Variants in PCDH17 observed in about 807,000 individuals in gnomAD.
PCDH17 encodes the protein protocadherin 17, also known as protocadherin-17.
Under a neutral mutation model 67.7 loss-of-function variants are expected in PCDH17, and 21 were observed. The observed-to-expected ratio is 0.31, with a 90% CI of 0.22 to 0.45. The LOEUF (loss-of-function observed/expected upper bound fraction) is 0.45, where lower values mean the gene tolerates loss of function less well. Among genes scored for constraint, PCDH17 ranks in the 20% least tolerant of loss-of-function variants. The pLI is 1.00. For missense variants in PCDH17, 1,471 were observed against 1,564.8 expected, an observed-to-expected ratio of 0.94 and a Z score of 1.01; for synonymous variants, 701 against 656.7, an observed-to-expected ratio of 1.07 and a Z score of -1.03.
At chr13:57,670,753 T>C (rs1461228087) in intron 3 of PCDH17, among the ~76,000 whole-genome samples, 2 of 151,850 alleles carry the variant, frequency 1.3e-5, no homozygotes, top group Non-Finnish European at 2.9e-5. Context: ...TTTGAGATTT[T>C]ATTTTATTAG....
chr13:57,663,093 A>T (rs979934353), intron 1 of PCDH17, among the ~76,000 whole-genome samples: 1 of 152,030 alleles, frequency 6.6e-6, no homozygotes, highest in East Asian at 1.9e-4. Flanking sequence ...TTTTAAATAG[A>T]TCATCATATA....
At chr13:57,678,667 G>A (rs7319102) in intron 3 of PCDH17, among the ~76,000 whole-genome samples, 126,035 of 151,380 alleles carry the variant, frequency 0.83, 52,893 homozygotes, top group African/African-American at 0.94. Context: ...AAATTCAGAG[G>A]AGCTAAGAAA....
rs139376524 is a variant in PCDH17 at position 57,634,689 on chromosome 13, A to G, written c.2143A>G (p.Ile715Val). 3.7e-6 allele frequency: 6 copies of G among 1,613,580 alleles called. No individual in the cohort carries two copies. In the African/African-American group the frequency reaches 4.0e-5, roughly 11 times the overall value. Residue 715 changes from isoleucine to valine, a missense_variant, in exon 1 of 4, where the codon ATC (isoleucine) becomes GTC (valine). Transcript: ENST00000377918. This position sits in a 1 kb window ranked among gnomAD's most constrained non-coding sequence, Gnocchi z 7.8. ...SLPLIVTLST[I>V]SIILLAAMIT... ...GCCGCTCATCGTGACTCTGAGCACT[A>G]TCTCCATCATCCTCCTAGCGGCCAT...
rs1292686655 is a variant in PCDH17, at chr13:57,634,613, C to G, written c.2067C>G (p.Pro689=). 7 of 1,613,290 alleles carry G rather than the reference C, an allele frequency of 4.3e-6. No homozygotes were observed. The highest frequency in any genetic ancestry group is 3.3e-5 in the South Asian group (3 of 91,076). The part of the protein sequence containing the change: ...LIIRSVSGSL[P]EGVPRVNGEQ... ...TCCGCTCGGTGAGCGGATCCCTTCC[C>G]GAGGGGGTACCACGGGTGAATGGCG... Residue 689 remains proline (P), a synonymous_variant, in exon 1 of 4, where the codon CCC becomes CCG. Coordinates refer to ENST00000377918, the MANE Select transcript of PCDH17 (RefSeq NM_001040429.3). This position sits in a 1 kb window ranked among gnomAD's most constrained non-coding sequence, Gnocchi z 7.8.
chr13:57,664,469 T>C (rs1163487738), intron 1 of PCDH17, among the ~76,000 whole-genome samples: 2 of 152,190 alleles, frequency 1.3e-5, no homozygotes, highest in South Asian at 2.1e-4. Context: ...TATTTCTAGA[T>C]ACTGTTCCTA....
In PCDH17 at chr13:57,634,312, A is replaced by G. The variant is rs1954783735; in HGVS notation, c.1766A>G (p.Gln589Arg). The G allele has an allele frequency of 1.2e-6, 2 of 1,613,050 alleles. No individual in the cohort carries two copies. The highest frequency in any genetic ancestry group is 4.5e-5 in the East Asian group (2 of 44,832). ...CCAGTGATCGTGCTCCCCACGCTGC[A>G]GAACGACACCGCGGAGCTGCAGGTG... ...NAPVIVLPTL[Q>R]NDTAELQVPR... Residue 589 changes from glutamine to arginine, a missense_variant, in exon 1 of 4, where the codon CAG becomes CGG. Gln to Arg is a conservative substitution (Grantham distance 43, BLOSUM62 1). Coordinates refer to ENST00000377918, the MANE Select transcript of PCDH17 (RefSeq NM_001040429.3). This position sits in a 1 kb window ranked among gnomAD's most constrained non-coding sequence, Gnocchi z 7.8.
intron 3 of PCDH17, among the ~76,000 whole-genome samples, chr13:57,705,955 C>T (rs554014564): frequency 2.0e-5 from 3 of 150,342 alleles, no homozygotes; most frequent in South Asian, 2.1e-4. Context: ...GCAGAGGTTG[C>T]GGTGAGCCAA....
rs1319525436 is a variant in PCDH17, at chr13:57,632,769, C to A, written c.223C>A (p.Leu75Met). Residue 75 changes from leucine to methionine, a missense_variant, in exon 1 of 4, where the codon CTG (leucine) becomes ATG (methionine). Physicochemically the swap from Leu to Met is conservative, Grantham distance 15. Transcript: ENST00000377918. The part of the protein sequence containing the change: ...RVLENSAPHL[L>M]DVDADSGLLY... Reference sequence around the variant, plus strand: ...GCTGGAGAACTCCGCACCGCACCTGCTGGACGTGGACGCAGACAGCGGGCT... The same window carrying A: ...GCTGGAGAACTCCGCACCGCACCTGATGGACGTGGACGCAGACAGCGGGCT... 1 of 1,612,854 alleles carries A rather than the reference C, an allele frequency of 6.2e-7. No homozygotes were observed. The highest frequency in any genetic ancestry group is 8.5e-7 in the Non-Finnish European group (1 of 1,179,932).
At chr13:57,665,028 A>G (rs1040838577) in intron 1 of PCDH17, among the ~76,000 whole-genome samples, 1 of 152,208 alleles carries the variant, frequency 6.6e-6, no homozygotes, top group African/African-American at 2.4e-5. Context: ...GGAGTGAGCA[A>G]TGAATCCACC....
At chr13:57,656,188 T>C (rs1248056453) in intron 1 of PCDH17, among the ~76,000 whole-genome samples, 2 of 152,120 alleles carry the variant, frequency 1.3e-5, no homozygotes, top group Non-Finnish European at 1.5e-5. Flanking sequence ...TACAAGACAC[T>C]GTACTCCAAA....
chr13:57,715,688 A>G (rs753932711), intron 3 of PCDH17, among the ~76,000 whole-genome samples: 2 of 151,860 alleles, frequency 1.3e-5, no homozygotes, highest in Non-Finnish European at 2.9e-5. Flanking sequence ...AGATTCATCC[A>G]TCTTACTCTT....
chr13:57,672,056 A>G (rs1004296620), intron 3 of PCDH17, among the ~76,000 whole-genome samples: 5 of 151,954 alleles, frequency 3.3e-5, no homozygotes, highest in African/African-American at 1.2e-4. Context: ...CTTAAATTAC[A>G]TTGAGTTTTA....
At chr13:57,640,866 T>C (rs530451228) in intron 1 of PCDH17, among the ~76,000 whole-genome samples, 1 of 152,192 alleles carries the variant, frequency 6.6e-6, no homozygotes, top group South Asian at 2.1e-4. Flanking sequence ...ATACACTCAA[T>C]AGTGGGTAAA....
chr13:57,662,342 C>A (rs1374526262), intron 1 of PCDH17, among the ~76,000 whole-genome samples: 1 of 152,174 alleles, frequency 6.6e-6, no homozygotes, highest in Non-Finnish European at 1.5e-5. Context: ...TACATGCATA[C>A]ATTATTTGGG....
intron 3 of PCDH17, among the ~76,000 whole-genome samples, chr13:57,690,857 C>T (rs932030780): frequency 3.3e-5 from 5 of 151,360 alleles, no homozygotes; most frequent in African/African-American, 1.2e-4. Context: ...TCACTAATTG[C>T]ATTACTCTAA....
At chr13:57,684,022 G>A (rs1189988847) in intron 3 of PCDH17, among the ~76,000 whole-genome samples, 1 of 151,798 alleles carries the variant, frequency 6.6e-6, no homozygotes, top group African/African-American at 2.4e-5. Context: ...GGGGCACGAG[G>A]TGAGATACCC....
chr13:57,658,101 C>T (rs1269309621), intron 1 of PCDH17, among the ~76,000 whole-genome samples: 1 of 152,030 alleles, frequency 6.6e-6, no homozygotes, highest in Non-Finnish European at 1.5e-5. Flanking sequence ...ATAATGTTGA[C>T]ACAAACATAT....
intron 3 of PCDH17, among the ~76,000 whole-genome samples, chr13:57,673,375 T>C (rs1368668277): frequency 6.6e-6 from 1 of 151,968 alleles, no homozygotes; most frequent in East Asian, 1.9e-4. Flanking sequence ...CCAGCCTTTG[T>C]TTAGGGGCAC....
chr13:57,700,922 C>T (rs1049882384), intron 3 of PCDH17, among the ~76,000 whole-genome samples: 1 of 151,870 alleles, frequency 6.6e-6, no homozygotes, highest in African/African-American at 2.4e-5. Context: ...CCAACTACGT[C>T]GGAGGTTGAG....
Sources: allele counts gnomAD v4.1 joint callset (sites outside exome capture counted in the v4.1 genomes callset), GRCh38; gene constraint gnomAD v4.1.1; non-coding constraint Gnocchi (gnomAD v3.1); transcripts MANE v1.5; gene names NCBI Gene and HGNC (gene_info 2026-07-23, HGNC 2026-07-21).